The following CATSPER4 variants were observed in gnomAD, a reference collection of about 807,000 sequenced individuals.
The protein encoded by CATSPER4 is cation channel sperm associated 4, also known as cation channel sperm-associated protein 4.
CATSPER4 carries 46 observed loss-of-function variants against 54.4 expected under a neutral mutation model. The observed-to-expected ratio is 0.84, with a 90% CI of 0.67 to 1.08. The LOEUF (loss-of-function observed/expected upper bound fraction) is 1.08, where lower values mean the gene tolerates loss of function less well. Ranked by LOEUF, CATSPER4 falls within the 50% of genes least tolerant of loss-of-function variation. CATSPER4 has a pLI of 0.00. For missense variants in CATSPER4, 574 were observed against 612.8 expected, an observed-to-expected ratio of 0.94 and a Z score of 0.67; for synonymous variants, 230 against 231.9, an observed-to-expected ratio of 0.99 and a Z score of 0.08.
intron 2 of CATSPER4, among the ~76,000 whole-genome samples, chr1:26,192,879 C>A (rs1358511532): frequency 6.6e-6 from 1 of 151,802 alleles, no homozygotes; most frequent in East Asian, 2.0e-4. Context: ...TCAAGACAGG[C>A]AGATCACTTG....
intron 6 of CATSPER4, among the ~76,000 whole-genome samples, chr1:26,199,296 C>T (rs767237429): frequency 4.0e-5 from 6 of 151,810 alleles, no homozygotes; most frequent in Non-Finnish European, 5.9e-5. Context: ...ATTAGCCGGA[C>T]GGTGGGGCGC....
intron 3 of CATSPER4, among the ~76,000 whole-genome samples, chr1:26,195,991 A>G (rs538974945): frequency 1.3e-5 from 2 of 152,288 alleles, no homozygotes; most frequent in South Asian, 4.2e-4. Flanking sequence ...TTATTTTTAC[A>G]ATAATCAGCA....
chr1:26,198,640 C>A (rs1396215887), intron 6 of CATSPER4, among the ~76,000 whole-genome samples: 1 of 152,188 alleles, frequency 6.6e-6, no homozygotes, highest in Non-Finnish European at 1.5e-5. Flanking sequence ...CCATTCCCAC[C>A]CTGTAATGGG....
At chr1:26,198,478 G>A in intron 6 of CATSPER4, 59 bp downstream of exon 6, 1 of 1,608,562 alleles carries the variant, frequency 6.2e-7, no homozygotes, top group South Asian at 1.1e-5. Context: ...AGCCGGTGGA[G>A]CTCCAGGCTG....
In CATSPER4 at chr1:26,202,526, A is replaced by C. The variant is rs1408675216; in HGVS notation, c.1403A>C (p.His468Pro). ...AGCTCACAAATACTCCTTAAAAAAC[A>C]CAAGAGCAGCCACTGAGAGGCCAGG... ...DSSSQILLKK[H>P]KSSH Residue 468 changes from histidine to proline, a missense_variant, in exon 10 of 10, where the codon CAC becomes CCC. By Grantham distance (77) the His-to-Pro change is moderately conservative (BLOSUM62 -2). Transcript: ENST00000456354. The C allele has an allele frequency of 2.5e-6, 4 of 1,610,984 alleles. No individual in the cohort carries two copies. The African/African-American group carries it at 4.0e-5, about 16-fold the overall frequency.
intron 8 of CATSPER4, 69 bp downstream of exon 8, chr1:26,201,110 T>C: frequency 4.6e-6 from 6 of 1,315,010 alleles, no homozygotes; most frequent in Non-Finnish European, 6.6e-6. Context: ...CAGAGTCTTC[T>C]GGCCTCACGC....
In CATSPER4 at chr1:26,201,149, C is replaced by G. The variant is rs57072055; in HGVS notation, c.1199+108C>G. On this transcript the variant is annotated intron_variant, in intron 8 of 9. Coordinates refer to ENST00000456354, the MANE Select transcript of CATSPER4 (RefSeq NM_198137.2). Reference sequence around the variant, plus strand: ...CACCATTTATAAGGCAGAGCCTGGGCCCCACAGAGGTCCCCCACCCTATTG... The same window carrying G: ...CACCATTTATAAGGCAGAGCCTGGGGCCCACAGAGGTCCCCCACCCTATTG... 2,681 of 1,064,326 alleles carry G rather than the reference C, an allele frequency of 2.5e-3. 58 individuals carry two copies. The African/African-American group carries it at 0.037, about 15-fold the overall frequency. The allele number at this position is 1,064,326 out of a possible 1,614,324, so 65.9% of individuals were successfully genotyped here.
rs1309237475 is a variant in CATSPER4 at position 26,201,041 on chromosome 1, T to C, written c.1199T>C (p.Met400Thr). The change falls in exon 8 of 10, where the codon ATG becomes ACG. Residue 400 changes from methionine to threonine, a missense_variant and splice_region_variant. By Grantham distance (81) the Met-to-Thr change is moderately conservative. Transcript: ENST00000456354. ...AAGGAGATCCGAGATGAACTCAACA[T>C]GTAGGGGAGGGTACTGGGGCTGCCC... ...QYKEIRDELN[M>T]IVEEVRAIRF... The C allele has an allele frequency of 6.2e-7, 1 of 1,611,518 alleles. No homozygotes were observed. Among genetic ancestry groups the C allele is most frequent in the East Asian group, 2.2e-5 (1 of 44,862 alleles).
intron 6 of CATSPER4, among the ~76,000 whole-genome samples, chr1:26,199,113 C>G (rs949315531): frequency 1.3e-5 from 2 of 151,974 alleles, no homozygotes; most frequent in African/African-American, 4.8e-5. Flanking sequence ...GCTATCCTGG[C>G]TAACACAGTG....
chr1:26,196,646 A>G (rs2088942199), intron 3 of CATSPER4, among the ~76,000 whole-genome samples: 1 of 151,698 alleles, frequency 6.6e-6, no homozygotes. Context: ...CCTGAGCTCA[A>G]GCAATCCTCC....
chr1:26,202,258 G>A (rs956127939), intron 9 of CATSPER4, among the ~76,000 whole-genome samples: 1 of 152,098 alleles, frequency 6.6e-6, no homozygotes, highest in African/African-American at 2.4e-5. Flanking sequence ...AGAGAAAAAG[G>A]CACACACCCA....
intron 3 of CATSPER4, among the ~76,000 whole-genome samples, chr1:26,196,827 TCTC>T (rs2088943982): frequency 6.6e-6 from 1 of 152,094 alleles, no homozygotes; most frequent in South Asian, 2.1e-4. Flanking sequence ...TGAGTTTCCT[TCTC>T]CTCCCCATCT....
At chr1:26,200,186 G>A (rs1369022516) in intron 7 of CATSPER4, 128 bp downstream of exon 7, 3 of 1,081,094 alleles carry the variant, frequency 2.8e-6, no homozygotes, top group Non-Finnish European at 2.6e-6. Flanking sequence ...GAGGCCTGGA[G>A]GCAGCAGCCC....
chr1:26,201,361 G>A lies in CATSPER4; in HGVS notation c.1207G>A (p.Glu403Lys), dbSNP rs1216568187. 17 of 1,613,918 alleles carry A rather than the reference G, an allele frequency of 1.1e-5. No individual in the cohort carries two copies. In the African/African-American group the frequency reaches 2.0e-4, roughly 19 times the overall value. The change falls in exon 9 of 10, where the codon GAG becomes AAG. Residue 403 changes from glutamate to lysine, a missense_variant. Physicochemically the swap from Glu to Lys is moderately conservative, Grantham distance 56. Coordinates refer to ENST00000456354, the MANE Select transcript of CATSPER4 (RefSeq NM_198137.2). ...TCACTGCTCCACCCCCAGGATTGTG[G>A]AGGAGGTGCGCGCAATCCGCTTCAA... ...EIRDELNMIV[E>K]EVRAIRFNQE...
Position 26,191,338 on chromosome 1 carries a change from C to T in CATSPER4, c.265C>T (p.Leu89Phe). The T allele has an allele frequency of 6.2e-7, 1 of 1,614,200 alleles. No homozygotes were observed. The highest frequency in any genetic ancestry group is 1.3e-5 in the African/African-American group (1 of 75,050). Residue 89 changes from leucine to phenylalanine, a missense_variant, in exon 2 of 10, where the codon CTC becomes TTC. Physicochemically the swap from Leu to Phe is conservative, Grantham distance 22. Transcript: ENST00000456354. ...CACTCACATGTACATCAAGCAGCTGCTCCGACACCCCGCCTTCCAACTGCT... is the reference window on the plus strand; with the variant it reads ...CACTCACATGTACATCAAGCAGCTGTTCCGACACCCCGCCTTCCAACTGCT... ...FITHMYIKQL[L>F]RHPAFQLLLA...
At chr1:26,201,070 A>C in intron 8 of CATSPER4, 29 bp downstream of exon 8, 1 of 1,538,096 alleles carries the variant, frequency 6.5e-7, no homozygotes, top group Non-Finnish European at 9.0e-7. Flanking sequence ...GCTGCCCCCA[A>C]GTCATGTGAG....
At chr1:26,192,555 A>C (rs368368960) in intron 2 of CATSPER4, among the ~76,000 whole-genome samples, 26 of 150,602 alleles carry the variant, frequency 1.7e-4, no homozygotes, top group African/African-American at 6.1e-4. Flanking sequence ...GTGCCACTGC[A>C]CTCCAGCCTG....
At chr1:26,198,947 A>G (rs1198810400) in intron 6 of CATSPER4, among the ~76,000 whole-genome samples, 4 of 152,222 alleles carry the variant, frequency 2.6e-5, no homozygotes, top group Admixed American at 6.5e-5. Flanking sequence ...ATGTGAGTAT[A>G]GAAGCCCAGT....
chr1:26,192,130 T>TTTTC (rs1268470097), intron 2 of CATSPER4, among the ~76,000 whole-genome samples: 1 of 91,236 alleles, frequency 1.1e-5, no homozygotes, highest in East Asian at 2.1e-4. Context: ...TTTTAATTTC[T>TTTTC]TTTTTTTTTT....
Sources: allele counts gnomAD v4.1 joint callset (sites outside exome capture counted in the v4.1 genomes callset), GRCh38; gene constraint gnomAD v4.1.1; transcripts MANE v1.5; gene names NCBI Gene and HGNC (gene_info 2026-07-23, HGNC 2026-07-21).